The following NEBL variants were observed in gnomAD, a reference collection of about 807,000 sequenced individuals.
The protein encoded by NEBL is nebulette.
In NEBL, 122 loss-of-function variants were observed where a neutral mutation model predicts 140.2. The observed-to-expected ratio is 0.87, with a 90% CI of 0.75 to 1.01. The LOEUF (loss-of-function observed/expected upper bound fraction) is 1.01. Ranked by LOEUF, NEBL falls within the 50% of genes least tolerant of loss-of-function variation. The pLI, the probability that NEBL is intolerant of heterozygous loss-of-function variation, is 0.00. For synonymous variants in NEBL, 436 were observed against 398.9 expected, an observed-to-expected ratio of 1.09 and a Z score of -1.11; for missense variants, 1,365 against 1,231.3, an observed-to-expected ratio of 1.11 and a Z score of -1.62.
At chr10:21,048,193 G>T (rs866361289) in intron 2 of NEBL, among the ~76,000 whole-genome samples, 2 of 152,138 alleles carry the variant, frequency 1.3e-5, no homozygotes, top group Non-Finnish European at 2.9e-5. Flanking sequence ...CCCCTCGCAC[G>T]CTGTCCTCAA....
At chr10:20,815,476 G>C (rs1835405801) in intron 22 of NEBL, 149 bp downstream of exon 22, 1 of 673,030 alleles carries the variant, frequency 1.5e-6, no homozygotes, top group East Asian at 2.7e-5. Flanking sequence ...GCAGCTTTTG[G>C]AAGTCATCTG....
At chr10:20,844,732 T>G (rs1309808780) in intron 12 of NEBL, among the ~76,000 whole-genome samples, 1 of 152,026 alleles carries the variant, frequency 6.6e-6, no homozygotes, top group Non-Finnish European at 1.5e-5. Context: ...AAACTACTTA[T>G]AAGTAATGTA....
chr10:21,038,596 T>C (rs1317448000), intron 2 of NEBL, among the ~76,000 whole-genome samples: 1 of 152,232 alleles, frequency 6.6e-6, no homozygotes, highest in Non-Finnish European at 1.5e-5. Context: ...CACATTTTCT[T>C]TATCCAGTCT....
At chr10:21,154,185 A>T (rs1461122313) in intron 2 of NEBL, among the ~76,000 whole-genome samples, 2 of 152,126 alleles carry the variant, frequency 1.3e-5, no homozygotes, top group African/African-American at 2.4e-5. Flanking sequence ...CTGGCTGGGC[A>T]CAGTGGCTCA....
At chr10:21,168,392 T>C (rs1255435144) in intron 2 of NEBL, among the ~76,000 whole-genome samples, 1 of 152,180 alleles carries the variant, frequency 6.6e-6, no homozygotes, top group Non-Finnish European at 1.5e-5. Flanking sequence ...GCCCTTTTCT[T>C]GAAAACTGTG....
intron 2 of NEBL, among the ~76,000 whole-genome samples, chr10:21,063,786 C>T (rs1296634739): frequency 1.3e-5 from 2 of 152,066 alleles, no homozygotes; most frequent in Non-Finnish European, 2.9e-5. Context: ...AGGAGAATGG[C>T]GTGAACCCGG....
chr10:20,905,716 G>A (rs74120518), intron 4 of NEBL, among the ~76,000 whole-genome samples: 2,941 of 152,212 alleles, frequency 0.019, 101 homozygotes, highest in African/African-American at 0.067. Context: ...CATTTGCAAA[G>A]ACCCAGAGAC....
intron 2 of NEBL, among the ~76,000 whole-genome samples, chr10:21,086,045 T>A (rs1259594360): frequency 6.6e-6 from 1 of 152,140 alleles, no homozygotes; most frequent in African/African-American, 2.4e-5. Flanking sequence ...AAAAAATCCA[T>A]AAATATGTGT....
chr10:20,936,326 CA>C (rs1834482345), intron 4 of NEBL, among the ~76,000 whole-genome samples: 1 of 151,940 alleles, frequency 6.6e-6, no homozygotes, highest in African/African-American at 2.4e-5. Flanking sequence ...GTAAAAGGGG[CA>C]ATAAAAAAAA....
At chr10:20,919,957 T>A (rs1030718617) in intron 4 of NEBL, among the ~76,000 whole-genome samples, 3 of 98,488 alleles carry the variant, frequency 3.0e-5, no homozygotes, top group Admixed American at 2.6e-4. Flanking sequence ...AAAAGAAGTA[T>A]CTAAAAATTG....
At chr10:21,066,165 A>G (rs2131891322) in intron 2 of NEBL, among the ~76,000 whole-genome samples, 1 of 152,360 alleles carries the variant, frequency 6.6e-6, no homozygotes, top group African/African-American at 2.4e-5. Context: ...TAGAGAACTC[A>G]TTAACCTCTT....
intron 4 of NEBL, among the ~76,000 whole-genome samples, chr10:20,953,553 A>G (rs1835618446): frequency 6.6e-6 from 1 of 150,988 alleles, no homozygotes; most frequent in Non-Finnish European, 1.5e-5. Flanking sequence ...TAGACACCAA[A>G]AAGAATTCCC....
chr10:20,789,611 T>C (rs1926207), intron 26 of NEBL, among the ~76,000 whole-genome samples: 2 of 151,924 alleles, frequency 1.3e-5, no homozygotes, highest in African/African-American at 4.8e-5. Context: ...ACTTTGGAAG[T>C]CCAAAGCAGG....
At chr10:20,798,275 C>T (rs1836771741) in intron 26 of NEBL, among the ~76,000 whole-genome samples, 1 of 152,132 alleles carries the variant, frequency 6.6e-6, no homozygotes, top group Non-Finnish European at 1.5e-5. Flanking sequence ...ACTATTTCCC[C>T]ACTGTATTAT....
chr10:21,193,167 G>C (rs1384607705), intron 3 of NEBL, among the ~76,000 whole-genome samples: 1 of 152,188 alleles, frequency 6.6e-6, no homozygotes, highest in East Asian at 1.9e-4. Flanking sequence ...GTGGAAGGCT[G>C]ACAGGGAGGA....
chr10:20,873,065 C>T (rs1588897379), intron 5 of NEBL, among the ~76,000 whole-genome samples: 2 of 152,090 alleles, frequency 1.3e-5, no homozygotes, highest in Non-Finnish European at 2.9e-5. Flanking sequence ...AATCAGGACC[C>T]GTTTCCTGTA....
intron 4 of NEBL, among the ~76,000 whole-genome samples, chr10:20,955,583 T>C (rs764982561): frequency 1.3e-4 from 20 of 152,118 alleles, no homozygotes; most frequent in Admixed American, 9.8e-4. Flanking sequence ...TAGGAGCAGA[T>C]TGTGGAGGGT....
At chr10:21,030,730 TG>T in intron 2 of NEBL, 1 of 454,652 alleles carries the variant, frequency 2.2e-6, no homozygotes, top group South Asian at 1.9e-5. Flanking sequence ...CAAAGACCAC[TG>T]GAAGGAGTCA....
At chr10:21,162,705 T>C (rs1840604664) in intron 2 of NEBL, among the ~76,000 whole-genome samples, 2 of 152,188 alleles carry the variant, frequency 1.3e-5, no homozygotes, top group Non-Finnish European at 2.9e-5. Flanking sequence ...AACACGACCA[T>C]CATACAAAGC....
Sources: allele counts gnomAD v4.1 joint callset (sites outside exome capture counted in the v4.1 genomes callset), GRCh38; gene constraint gnomAD v4.1.1; transcripts MANE v1.5; gene names NCBI Gene and HGNC (gene_info 2026-07-23, HGNC 2026-07-21).